The following NFX1 variants were observed in gnomAD, a reference collection of about 807,000 sequenced individuals.
NFX1 encodes nuclear transcription factor, X-box binding 1, also known as transcriptional repressor NF-X1.
Under a neutral mutation model 137.2 loss-of-function variants are expected in NFX1, and 69 were observed. That is an observed-to-expected ratio of 0.50 (90% CI 0.41 to 0.61). The LOEUF (loss-of-function observed/expected upper bound fraction) is 0.61, where lower values mean the gene tolerates loss of function less well. Among genes scored for constraint, NFX1 ranks in the 20% least tolerant of loss-of-function variants. The pLI is 0.00. For synonymous variants in NFX1, 495 were observed against 474.1 expected, an observed-to-expected ratio of 1.04 and a Z score of -0.57; for missense variants, 1,167 against 1,391.0, an observed-to-expected ratio of 0.84 and a Z score of 2.56.
chr9:33,342,885 A>G (rs1180005186), intron 13 of NFX1, 31 bp downstream of exon 13: 1 of 1,406,718 alleles, frequency 7.1e-7, no homozygotes, highest in East Asian at 2.3e-5. Context: ...GTTTATTAGA[A>G]GAGTTTTTTA....
intron 9 of NFX1, among the ~76,000 whole-genome samples, chr9:33,324,776 A>G (rs1822515464): frequency 6.6e-6 from 1 of 151,946 alleles, no homozygotes; most frequent in African/African-American, 2.4e-5. Flanking sequence ...ATACAAAAAA[A>G]AAATTAGCCA....
intron 11 of NFX1, among the ~76,000 whole-genome samples, chr9:33,337,032 G>T (rs1479046715): frequency 6.6e-6 from 1 of 152,072 alleles, no homozygotes; most frequent in Non-Finnish European, 1.5e-5. Flanking sequence ...AACCCAGGAG[G>T]CGGAGGTTGC....
At chr9:33,327,228 T>A (rs1171338136) in intron 9 of NFX1, among the ~76,000 whole-genome samples, 1 of 152,240 alleles carries the variant, frequency 6.6e-6, no homozygotes, top group Non-Finnish European at 1.5e-5. Context: ...TCTCACTCTA[T>A]TTCCTGGGCT....
rs1255369043 is a variant in NFX1 at position 33,294,769 on chromosome 9, T to C, written c.375T>C (p.Ala125=). 6.2e-7 allele frequency: 1 copy of C among 1,613,996 alleles called. No homozygotes were observed. Among genetic ancestry groups the C allele is most frequent in the Non-Finnish European group, 8.5e-7 (1 of 1,180,036 alleles). Residue 125 remains alanine (A), a synonymous_variant, in exon 2 of 24, where the codon GCT becomes GCC. Coordinates refer to ENST00000379540, the MANE Select transcript of NFX1 (RefSeq NM_002504.6). ...HIRVKKAQSL[A]EQTSDTAGLE... ...GAGTCAAGAAAGCACAGAGTCTTGC[T>C]GAGCAGACCTCAGATACAGCTGGAT...
At chr9:33,309,286 G>A (rs561097690) in intron 5 of NFX1, among the ~76,000 whole-genome samples, 2 of 151,990 alleles carry the variant, frequency 1.3e-5, no homozygotes, top group South Asian at 2.1e-4. Context: ...GAACCCGGGA[G>A]GCGGAGGTTG....
chr9:33,295,494 T>G, intron 2 of NFX1, 67 bp downstream of exon 2: 2 of 1,448,260 alleles, frequency 1.4e-6, no homozygotes, highest in South Asian at 2.8e-5. Context: ...AAGTCATATA[T>G]TCACATAATT....
intron 9 of NFX1, among the ~76,000 whole-genome samples, chr9:33,324,570 T>C (rs1822507926): frequency 6.6e-6 from 1 of 151,918 alleles, no homozygotes; most frequent in African/African-American, 2.4e-5. Flanking sequence ...GAAAACTTCA[T>C]TAAAGGGGCT....
At chr9:33,308,509 G>C (rs1432780378) in intron 5 of NFX1, among the ~76,000 whole-genome samples, 1 of 152,128 alleles carries the variant, frequency 6.6e-6, no homozygotes, top group East Asian at 1.9e-4. Flanking sequence ...AAAATGCACA[G>C]TAATAGAAAA....
chr9:33,291,214 A>G (rs1241069349), intron 1 of NFX1, among the ~76,000 whole-genome samples: 1 of 152,166 alleles, frequency 6.6e-6, no homozygotes, highest in Non-Finnish European at 1.5e-5. Flanking sequence ...TATAACATCC[A>G]TTTCCTCAGG....
chr9:33,315,750 G>C (rs569885213), intron 7 of NFX1, among the ~76,000 whole-genome samples: 1 of 151,332 alleles, frequency 6.6e-6, no homozygotes, highest in South Asian at 2.1e-4. Context: ...AAATTAGCCA[G>C]ACATGGTGGC....
At chr9:33,318,674 C>A in intron 7 of NFX1, 57 bp from the exon 8 acceptor site, 1 of 1,459,524 alleles carries the variant, frequency 6.9e-7, no homozygotes, top group Non-Finnish European at 9.6e-7. Flanking sequence ...TTATTTGTGA[C>A]ATTTTAAGAA....
intron 9 of NFX1, among the ~76,000 whole-genome samples, chr9:33,323,105 G>A (rs1822446051): frequency 6.6e-6 from 1 of 152,176 alleles, no homozygotes; most frequent in African/African-American, 2.4e-5. Context: ...GAGAGATCGG[G>A]AATCAAGACA....
intron 16 of NFX1, among the ~76,000 whole-genome samples, chr9:33,352,102 A>G (rs997726966): frequency 2.0e-5 from 3 of 152,226 alleles, no homozygotes; most frequent in South Asian, 2.1e-4. Flanking sequence ...TGTGCAAGAC[A>G]TAGTATGAGG....
chr9:33,367,706 T>C, intron 23 of NFX1, 87 bp downstream of exon 23: 1 of 1,303,270 alleles, frequency 7.7e-7, no homozygotes, highest in Non-Finnish European at 1.1e-6. Context: ...CACCAGCCAT[T>C]GGTGGCCTCC....
rs184948964 is a variant in NFX1, at chr9:33,318,924, G to A, written c.1703G>A (p.Gly568Asp). 3 of 1,614,232 alleles carry A rather than the reference G, an allele frequency of 1.9e-6. No individual in the cohort carries two copies. Among genetic ancestry groups the A allele is most frequent in the East Asian group, 4.5e-5 (2 of 44,890 alleles). ...LKICGKDLKCGNHTCSQVCHP... is the reference protein window; with the variant it reads ...LKICGKDLKCDNHTCSQVCHP... ...TTTCTTAACAGGGACTTGAAATGCG[G>A]TAACCATACATGTTCGCAAGTGTGC... is the stretch of plus-strand genomic sequence containing the variant. The change falls in exon 9 of 24, where the codon GGT becomes GAT. Residue 568 changes from glycine (G) to aspartate (D), a missense_variant. Physicochemically the swap from Gly to Asp is moderately conservative, Grantham distance 94. Coordinates refer to ENST00000379540, the MANE Select transcript of NFX1 (RefSeq NM_002504.6).
rs144830384 is a variant in NFX1 at position 33,291,562 on chromosome 9, T to A, written c.25+965T>A. 2.8e-3 allele frequency among the ~76,000 whole-genome samples: 433 copies of A among 152,304 alleles called. 2 individuals carry two copies. Among genetic ancestry groups the A allele is most frequent in the African/African-American group, 9.9e-3 (411 of 41,556 alleles). On this transcript the variant is annotated intron_variant, in intron 1 of 23. Coordinates refer to ENST00000379540, the MANE Select transcript of NFX1 (RefSeq NM_002504.6). ...GCACCAAGAAGACCATATATGTATTTGTATACTGGGTGGCAGGTAAAATGT... is the reference window on the plus strand; with the variant it reads ...GCACCAAGAAGACCATATATGTATTAGTATACTGGGTGGCAGGTAAAATGT...
At chr9:33,332,908 C>T (rs528383523) in intron 11 of NFX1, among the ~76,000 whole-genome samples, 287 of 152,326 alleles carry the variant, frequency 1.9e-3, no homozygotes, top group Middle Eastern at 6.8e-3. Flanking sequence ...TGCAGTGGCG[C>T]GATCTCGGCT....
rs1358191337 is a variant in NFX1, at chr9:33,351,551, C to G, written c.2425-9C>G. 6 of 1,613,018 alleles carry G rather than the reference C, an allele frequency of 3.7e-6. No homozygotes were observed. The African/African-American group carries it at 4.0e-5, about 11-fold the overall frequency. ...GAGATGAGAATCTGGCTACTTCTGT[C>G]TCTCCTAGTTTCGGAGCAACATCCC... is the stretch of plus-strand genomic sequence containing the variant. On this transcript the variant is annotated splice_polypyrimidine_tract_variant and intron_variant, in intron 15 of 23. Transcript: ENST00000379540.
Position 33,344,412 on chromosome 9 carries a change from G to A in NFX1, c.2344+224G>A, listed in dbSNP as rs139651471. ...AGGGATGTCAAACACACCTAAAAAC[G>A]TTGGAAGACTCCCCAGCTGATCTTA... On this transcript the variant is annotated intron_variant, in intron 14 of 23. Coordinates refer to ENST00000379540, the MANE Select transcript of NFX1 (RefSeq NM_002504.6). Among the ~76,000 whole-genome samples the A allele has an allele frequency of 3.1e-3, 475 of 152,256 alleles. 2 individuals carry two copies. Among genetic ancestry groups the A allele is most frequent in the Non-Finnish European group, 4.9e-3 (333 of 68,020 alleles).
Sources: gnomAD v4.1 joint callset for allele counts (sites outside exome capture counted in the v4.1 genomes callset) on GRCh38, gnomAD v4.1.1 for gene constraint, MANE v1.5 for transcripts, NCBI Gene and HGNC (gene_info 2026-07-23, HGNC 2026-07-21) for gene names.